The following PTPRR variants were observed in gnomAD, a reference collection of about 807,000 sequenced individuals.
PTPRR encodes the protein protein tyrosine phosphatase receptor type R, also known as receptor-type tyrosine-protein phosphatase R.
Under a neutral mutation model 77.2 loss-of-function variants are expected in PTPRR, and 38 were observed. The observed-to-expected ratio is 0.49, with a 90% CI of 0.38 to 0.65. PTPRR has a LOEUF of 0.65. PTPRR is among the 30% of genes least tolerant of loss of function. The pLI is 0.00. For synonymous variants in PTPRR, 299 were observed against 283.1 expected (o/e 1.06, Z -0.57); for missense variants, 744 against 799.2 (o/e 0.93, Z 0.83).
intron 3 of PTPRR, among the ~76,000 whole-genome samples, chr12:70,761,857 A>T (rs1324791465): frequency 6.6e-6 from 1 of 152,282 alleles, no homozygotes; most frequent in African/African-American, 2.4e-5. Flanking sequence ...AAGATTTGTA[A>T]TTTTATATTT....
intron 2 of PTPRR, among the ~76,000 whole-genome samples, chr12:70,772,215 T>C (rs568168261): frequency 6.6e-6 from 1 of 152,128 alleles, no homozygotes; most frequent in South Asian, 2.1e-4. Flanking sequence ...AATTTGAACA[T>C]AGTAGGCTAT....
intron 7 of PTPRR, among the ~76,000 whole-genome samples, chr12:70,698,930 A>G (rs1328694267): frequency 6.6e-6 from 1 of 152,162 alleles, no homozygotes; most frequent in Non-Finnish European, 1.5e-5. Flanking sequence ...AGTGAAGGGC[A>G]TTCAAACACT....
chr12:70,711,309 A>G (rs1486729634), intron 6 of PTPRR, among the ~76,000 whole-genome samples: 5 of 152,156 alleles, frequency 3.3e-5, no homozygotes, highest in Admixed American at 2.0e-4. Flanking sequence ...CAAACACTGT[A>G]TATTCTCCCT....
At chr12:70,816,998 T>C (rs1423565104) in intron 2 of PTPRR, among the ~76,000 whole-genome samples, 1 of 152,116 alleles carries the variant, frequency 6.6e-6, no homozygotes, top group African/African-American at 2.4e-5. Flanking sequence ...GGTCATCTCA[T>C]CCTGTTAATG....
intron 1 of PTPRR, among the ~76,000 whole-genome samples, chr12:70,909,943 T>C (rs546482795): frequency 1.3e-5 from 2 of 152,330 alleles, no homozygotes; most frequent in South Asian, 2.1e-4. Flanking sequence ...TTGCTAATTA[T>C]GAGCATTTAA....
intron 2 of PTPRR, among the ~76,000 whole-genome samples, chr12:70,888,031 G>T (rs10784876): frequency 2.5e-4 from 11 of 43,874 alleles, no homozygotes; most frequent in Non-Finnish European, 3.4e-4. Context: ...TGTGTGTGTG[G>T]GTGTGTGTGT....
At chr12:70,730,957 AAG>A (rs1254482623) in intron 6 of PTPRR, among the ~76,000 whole-genome samples, 4 of 149,252 alleles carry the variant, frequency 2.7e-5, no homozygotes, top group East Asian at 2.0e-4. Flanking sequence ...AGAGAGAGGA[AAG>A]AGAGAGGAAG....
intron 1 of PTPRR, among the ~76,000 whole-genome samples, chr12:70,904,217 C>A (rs1052943806): frequency 8.3e-6 from 1 of 120,252 alleles, no homozygotes; most frequent in Non-Finnish European, 2.1e-5. Flanking sequence ...ACATTCTTAC[C>A]CCAGAGAAAT....
intron 2 of PTPRR, among the ~76,000 whole-genome samples, chr12:70,819,571 A>G (rs1163252381): frequency 6.6e-6 from 1 of 152,212 alleles, no homozygotes; most frequent in Admixed American, 6.5e-5. Flanking sequence ...GTAGACCAGT[A>G]AGTCACTATT....
chr12:70,914,022 G>T (rs1183261383), intron 1 of PTPRR, among the ~76,000 whole-genome samples: 1 of 152,054 alleles, frequency 6.6e-6, no homozygotes, highest in African/African-American at 2.4e-5. Context: ...ATTGAAAAGG[G>T]AAATGTAGGA....
intron 2 of PTPRR, among the ~76,000 whole-genome samples, chr12:70,871,903 C>T (rs1056746037): frequency 6.6e-6 from 1 of 152,128 alleles, no homozygotes; most frequent in Non-Finnish European, 1.5e-5. Flanking sequence ...GCCTCATTCC[C>T]ATAAAGATTA....
intron 2 of PTPRR, among the ~76,000 whole-genome samples, chr12:70,887,958 C>A (rs767516114): frequency 1.2e-4 from 18 of 151,798 alleles, no homozygotes; most frequent in Non-Finnish European, 1.9e-4. Flanking sequence ...GGATATAGGC[C>A]ATGGGAAAAT....
intron 10 of PTPRR, among the ~76,000 whole-genome samples, chr12:70,669,691 A>G (rs1232180832): frequency 6.6e-6 from 1 of 151,984 alleles, no homozygotes; most frequent in Admixed American, 6.5e-5. Flanking sequence ...CTGCCTTTCA[A>G]GTAGCTGGGG....
intron 2 of PTPRR, among the ~76,000 whole-genome samples, chr12:70,800,632 T>C (rs932249585): frequency 6.6e-6 from 1 of 152,084 alleles, no homozygotes; most frequent in Non-Finnish European, 1.5e-5. Flanking sequence ...TGGTGGCTCA[T>C]GCCTGTAATC....
At chr12:70,689,485 T>C (rs534829707) in intron 8 of PTPRR, among the ~76,000 whole-genome samples, 93 of 152,302 alleles carry the variant, frequency 6.1e-4, no homozygotes, top group African/African-American at 2.1e-3. Flanking sequence ...TGCTTTTTGT[T>C]ACCTTATCTT....
Position 70,720,761 on chromosome 12 carries a change from C to T in PTPRR, c.1008-19438G>A, listed in dbSNP as rs534542276. Among the ~76,000 whole-genome samples, 38 of 152,182 alleles carry T rather than the reference C, an allele frequency of 2.5e-4. No homozygotes were observed. In the South Asian group the frequency reaches 7.5e-3, roughly 30 times the overall value. The stretch of plus-strand genomic sequence containing the variant: ...CTCCCAAATTGCTAGGACTTACAGG[C>T]GTGAGCCACCACACCTGGCTCAGGT... On this transcript the variant is annotated intron_variant, in intron 6 of 13. Coordinates refer to ENST00000283228, the MANE Select transcript of PTPRR (RefSeq NM_002849.4).
At chr12:70,919,432 A>G (rs1040614648) in intron 1 of PTPRR, among the ~76,000 whole-genome samples, 1 of 152,206 alleles carries the variant, frequency 6.6e-6, no homozygotes, top group African/African-American at 2.4e-5. Context: ...TAAGGAATTC[A>G]GCCTAGCAAG....
intron 1 of PTPRR, among the ~76,000 whole-genome samples, chr12:70,895,257 A>C (rs1217421364): frequency 1.3e-5 from 2 of 151,718 alleles, no homozygotes; most frequent in African/African-American, 4.8e-5. Context: ...GAAAGTAGAT[A>C]TCTTAAAAGA....
intron 2 of PTPRR, among the ~76,000 whole-genome samples, chr12:70,784,603 C>T (rs1186074905): frequency 1.3e-5 from 2 of 152,192 alleles, no homozygotes; most frequent in Admixed American, 6.5e-5. Context: ...CTGCAGCGGC[C>T]GGCATGATGG....
Sources: gnomAD v4.1 joint callset for allele counts (sites outside exome capture counted in the v4.1 genomes callset) on GRCh38, gnomAD v4.1.1 for gene constraint, MANE v1.5 for transcripts, NCBI Gene and HGNC (gene_info 2026-07-23, HGNC 2026-07-21) for gene names.